PCDH15: variants seen among roughly 807,000 people sequenced by gnomAD.
PCDH15 encodes protocadherin related 15.
Under a neutral mutation model 178.5 loss-of-function variants are expected in PCDH15, and 129 were observed. The observed-to-expected ratio is 0.72, with a 90% confidence interval of 0.63 to 0.84. The LOEUF (loss-of-function observed/expected upper bound fraction) is 0.84. PCDH15 is among the 40% of genes least tolerant of loss of function. The probability of loss-of-function intolerance (pLI) is 0.00; values close to 1 mark genes in which losing one functional copy is unlikely to be tolerated. For missense variants in PCDH15, 2,230 were observed against 2,099.9 expected (o/e 1.06, Z -1.21); for synonymous variants, 800 against 732.0 (o/e 1.09, Z -1.50).
rs778221666 is a variant in PCDH15 at position 53,827,556 on chromosome 10, A to G, written c.4212-8T>C. The G allele has an allele frequency of 6.2e-7, 1 of 1,614,112 alleles. No homozygotes were observed. The highest frequency in any genetic ancestry group is 1.1e-5 in the South Asian group (1 of 91,090). Reference sequence around the variant, plus strand: ...GTACACTCAGCTTGACGTCTTGGATAAAGTAAGGATGGCTTGTAAAACTCA... The same window carrying G: ...GTACACTCAGCTTGACGTCTTGGATGAAGTAAGGATGGCTTGTAAAACTCA... On this transcript the variant is annotated splice_region_variant and splice_polypyrimidine_tract_variant and intron_variant, in intron 31 of 37. Coordinates refer to ENST00000644397, the MANE Select transcript of PCDH15 (RefSeq NM_001384140.1).
chr10:53,926,188 C>A (rs2084535819), intron 25 of PCDH15, among the ~76,000 whole-genome samples: 1 of 152,148 alleles, frequency 6.6e-6, no homozygotes, highest in Non-Finnish European at 1.5e-5. Flanking sequence ...GCCTATTTAT[C>A]CAATTCTTTT....
intron 2 of PCDH15, among the ~76,000 whole-genome samples, chr10:55,430,448 A>G (rs1367099822): frequency 6.6e-6 from 1 of 152,224 alleles, no homozygotes; most frequent in Admixed American, 6.5e-5. Context: ...GACATGTAAT[A>G]TTCAGTAGAA....
At chr10:53,826,091 C>T (rs2076661837) in intron 32 of PCDH15, among the ~76,000 whole-genome samples, 1 of 151,604 alleles carries the variant, frequency 6.6e-6, no homozygotes, top group Non-Finnish European at 1.5e-5. Flanking sequence ...CATTAACATA[C>T]TCAAATAGAA....
At chr10:54,772,459 T>C (rs1258673550) in intron 1 of PCDH15, among the ~76,000 whole-genome samples, 1 of 152,180 alleles carries the variant, frequency 6.6e-6, no homozygotes. Context: ...CTTTTTGTTG[T>C]GCAGAAGCTC....
chr10:54,020,484 A>G, intron 19 of PCDH15, 68 bp from the exon 20 acceptor site: 1 of 1,431,638 alleles, frequency 7.0e-7, no homozygotes, highest in Non-Finnish European at 9.8e-7. Context: ...GAAGGATGGA[A>G]GTCATGCGTT....
chr10:54,808,793 A>C (rs1004513738), intron 3 of PCDH15, among the ~76,000 whole-genome samples: 3 of 152,188 alleles, frequency 2.0e-5, no homozygotes. Flanking sequence ...CCAGACTCAA[A>C]ATGCTATGAC....
chr10:55,099,389 A>C (rs920545236), intron 2 of PCDH15, among the ~76,000 whole-genome samples: 19 of 152,106 alleles, frequency 1.2e-4, no homozygotes, highest in African/African-American at 4.6e-4. Flanking sequence ...AGCTGCTACT[A>C]CTAAAATACA....
intron 9 of PCDH15, among the ~76,000 whole-genome samples, chr10:54,225,195 T>C (rs1359986087): frequency 6.6e-6 from 1 of 152,114 alleles, no homozygotes; most frequent in East Asian, 1.9e-4. Context: ...AATCAGAAGC[T>C]CTGAAAAGGG....
intron 21 of PCDH15, among the ~76,000 whole-genome samples, chr10:53,968,213 C>T (rs12257204): frequency 3.3e-5 from 5 of 152,196 alleles, no homozygotes; most frequent in African/African-American, 9.7e-5. Flanking sequence ...TATCCCACGC[C>T]TGGCTCAGAG....
intron 21 of PCDH15, among the ~76,000 whole-genome samples, chr10:53,992,520 CTATT>C (rs756776571): frequency 4.6e-5 from 7 of 152,184 alleles, no homozygotes; most frequent in South Asian, 4.2e-4. Context: ...AACATAAACC[CTATT>C]TATTTATCCC....
At chr10:54,421,848 T>A (rs57365970) in intron 3 of PCDH15, among the ~76,000 whole-genome samples, 1 of 23,418 alleles carries the variant, frequency 4.3e-5, no homozygotes, top group Non-Finnish European at 1.1e-4. Context: ...ACACACACAC[T>A]ATATATATAT....
At chr10:54,085,485 ATATATCT>A (rs1200084694) in intron 16 of PCDH15, among the ~76,000 whole-genome samples, 1 of 152,198 alleles carries the variant, frequency 6.6e-6, no homozygotes, top group Non-Finnish European at 1.5e-5. Context: ...GGAAGTTGCC[ATATATCT>A]TATTTAAATG....
intron 8 of PCDH15, among the ~76,000 whole-genome samples, chr10:54,263,859 G>A (rs1332421821): frequency 6.6e-6 from 1 of 152,170 alleles, no homozygotes; most frequent in Non-Finnish European, 1.5e-5. Context: ...TGGACTAGGA[G>A]AGGCAGAACC....
intron 2 of PCDH15, among the ~76,000 whole-genome samples, chr10:54,965,320 A>G (rs1296581447): frequency 5.9e-5 from 9 of 152,110 alleles, no homozygotes; most frequent in Admixed American, 2.0e-4. Context: ...AGGTAACTGA[A>G]TCATGGGGGT....
intron 8 of PCDH15, among the ~76,000 whole-genome samples, chr10:54,312,396 C>A (rs1486181233): frequency 6.6e-6 from 1 of 152,078 alleles, no homozygotes; most frequent in Non-Finnish European, 1.5e-5. Flanking sequence ...ATAACATTTT[C>A]TTTTCCATAT....
intron 2 of PCDH15, among the ~76,000 whole-genome samples, chr10:55,103,687 G>A (rs1410739080): frequency 6.6e-6 from 1 of 152,008 alleles, no homozygotes; most frequent in Non-Finnish European, 1.5e-5. Context: ...AGTGCTGTCA[G>A]TTCTTTCCAT....
At chr10:54,782,205 C>CGAT (rs1364995220) in intron 1 of PCDH15, among the ~76,000 whole-genome samples, 1 of 151,868 alleles carries the variant, frequency 6.6e-6, no homozygotes, top group African/African-American at 2.4e-5. Flanking sequence ...TTTGAGGATG[C>CGAT]GATATGACTG....
At chr10:54,829,506 A>G (rs1187384975) in intron 3 of PCDH15, among the ~76,000 whole-genome samples, 2 of 152,076 alleles carry the variant, frequency 1.3e-5, no homozygotes, top group African/African-American at 4.8e-5. Context: ...TATCCTGGTT[A>G]TTCAGTGAAT....
At chr10:55,359,979 G>A (rs145080967) in intron 2 of PCDH15, among the ~76,000 whole-genome samples, 63 of 151,748 alleles carry the variant, frequency 4.2e-4, no homozygotes, top group African/African-American at 1.4e-3. Flanking sequence ...GATTACCGGG[G>A]CTGGGAATAT....
Sources: gnomAD v4.1 joint callset for allele counts (sites outside exome capture counted in the v4.1 genomes callset) on GRCh38, gnomAD v4.1.1 for gene constraint, MANE v1.5 for transcripts, NCBI Gene and HGNC (gene_info 2026-07-23, HGNC 2026-07-21) for gene names.